Variants in ZFHX2 observed in about 807,000 individuals in gnomAD.
ZFHX2 encodes the protein zinc finger homeobox protein 2.
A neutral mutation model predicts 164.8 loss-of-function variants in ZFHX2; 75 were observed. The observed-to-expected ratio is 0.46, with a 90% confidence interval of 0.38 to 0.55. The LOEUF (loss-of-function observed/expected upper bound fraction) is 0.55, where lower values mean the gene tolerates loss of function less well. Among genes scored for constraint, ZFHX2 ranks in the 20% least tolerant of loss-of-function variants. The probability of loss-of-function intolerance (pLI) is 0.00; values close to 1 mark genes in which losing one functional copy is unlikely to be tolerated. For missense variants in ZFHX2, 2,933 were observed against 3,308.0 expected, an observed-to-expected ratio of 0.89 and a Z score of 2.78; for synonymous variants, 1,217 against 1,351.4, an observed-to-expected ratio of 0.90 and a Z score of 2.18.
chr14:23,525,903 G>A lies in ZFHX2; in HGVS notation c.4039C>T (p.Pro1347Ser), dbSNP rs1476562932. ...AGTGATTCGGGCACCAGAGGGAAGG[G>A]GGGCAGGACTGGTGGGGTGAAGAGA... is the stretch of plus-strand genomic sequence containing the variant. ...APLFTPPVLP[P>S]FPLVPESLLK... Residue 1347 changes from proline to serine, a missense_variant, in exon 9 of 10, where the codon CCC becomes TCC. Transcript: ENST00000419474. The surrounding 1 kb of genome is among the most constrained non-coding windows in gnomAD (Gnocchi z 5.9). The A allele has an allele frequency of 6.2e-6, 9 of 1,461,014 alleles. No individual in the cohort carries two copies. The highest frequency in any genetic ancestry group is 7.2e-6 in the Non-Finnish European group (8 of 1,111,252). 90.5% of individuals were successfully genotyped at this position (1,461,014 alleles called of 1,614,324 possible).
chr14:23,532,844 T>C lies in ZFHX2; in HGVS notation c.2282A>G (p.Lys761Arg). ...GAGCTGGGTGCCATAGCAGCAAAGC[T>C]TGCAGCGGTGGGTGTCACCAGCCAC... ...KEVAGDTHRC[K>R]LCCYGTQLKA... is the part of the protein sequence containing the mutation. Residue 761 changes from lysine to arginine, a missense_variant, in exon 3 of 10, where the codon AAG becomes AGG. Transcript: ENST00000419474. The C allele has an allele frequency of 6.5e-7, 1 of 1,536,434 alleles. No individual in the cohort carries two copies. The highest frequency in any genetic ancestry group is 8.7e-7 in the Non-Finnish European group (1 of 1,146,988).
rs1878922129 is a variant in ZFHX2 at position 23,527,636 on chromosome 14, C to T, written c.3103G>A (p.Val1035Met). 1 of 1,536,566 alleles carries T rather than the reference C, an allele frequency of 6.5e-7. No homozygotes were observed. Among genetic ancestry groups the T allele is most frequent in the Non-Finnish European group, 8.7e-7 (1 of 1,146,974 alleles). Reference sequence around the variant, plus strand: ...AGCAGCTTCTCAACGCACTCGGGCACCACGTTGTGAAGGTGGCTAAGGTGG... The same window carrying T: ...AGCAGCTTCTCAACGCACTCGGGCATCACGTTGTGAAGGTGGCTAAGGTGG... ...HFHLSHLHNV[V>M]PECVEKLLLV... The change falls in exon 7 of 10, where the codon GTG (valine) becomes ATG (methionine). Residue 1035 changes from valine (V) to methionine (M), a missense_variant. Coordinates refer to ENST00000419474, the MANE Select transcript of ZFHX2 (RefSeq NM_033400.3).
rs1342566483 is a variant in ZFHX2, at chr14:23,534,155, G to T, written c.1171C>A (p.Gln391Lys). The change falls in exon 2 of 10, where the codon CAA becomes AAA. Residue 391 changes from glutamine (Q) to lysine (K), a missense_variant. Coordinates refer to ENST00000419474, the MANE Select transcript of ZFHX2 (RefSeq NM_033400.3). This position sits in a 1 kb window ranked among gnomAD's most constrained non-coding sequence, Gnocchi z 4.5. ...CCCTCCTTGGAGGTGGGTGAGCTTT[G>T]GTTGAGTGGGGGGCAGAGCCCTCCA... ...EDGGLCPPLN[Q>K]SSPTSKEGGT... The T allele has an allele frequency of 4.1e-6, 6 of 1,473,070 alleles. No individual in the cohort carries two copies. Among genetic ancestry groups the T allele is most frequent in the Non-Finnish European group, 3.6e-6 (4 of 1,115,972 alleles). The allele number at this position is 1,473,070 out of a possible 1,614,324, so 91.2% of individuals were successfully genotyped here.
chr14:23,528,463 C>T (rs1019681204), intron 6 of ZFHX2, among the ~76,000 whole-genome samples: 1 of 152,186 alleles, frequency 6.6e-6, no homozygotes, highest in African/African-American at 2.4e-5. Context: ...TGGCTCTGTA[C>T]CTACTGCCCC....
chr14:23,527,046 C>A, intron 7 of ZFHX2, 73 bp from the exon 8 acceptor site: 1 of 1,427,410 alleles, frequency 7.0e-7, no homozygotes, highest in Non-Finnish European at 9.1e-7. Context: ...ACCCATCTGC[C>A]CTACACCTGT....
Position 23,535,015 on chromosome 14 carries a change from C to T in ZFHX2, c.311G>A (p.Gly104Glu). The T allele has an allele frequency of 6.5e-7, 1 of 1,536,054 alleles. No individual in the cohort carries two copies. Among genetic ancestry groups the T allele is most frequent in the Non-Finnish European group, 8.7e-7 (1 of 1,146,822 alleles). Residue 104 changes from glycine (G) to glutamate (E), a missense_variant, in exon 2 of 10, where the codon GGG becomes GAG. Transcript: ENST00000419474. The surrounding 1 kb of genome is among the most constrained non-coding windows in gnomAD (Gnocchi z 4.5). Reference sequence around the variant, plus strand: ...GTTGCTTAGGTCCATGGGAGGGAGCCCTTCTTCTTCCTCCTCCTGCTCCTT... The same window carrying T: ...GTTGCTTAGGTCCATGGGAGGGAGCTCTTCTTCTTCCTCCTCCTGCTCCTT... The part of the protein sequence containing the change: ...KDKEQEEEEE[G>E]LPPMDLSNHL...
chr14:23,526,817 C>A, intron 8 of ZFHX2, 30 bp downstream of exon 8: 1 of 1,523,262 alleles, frequency 6.6e-7, no homozygotes, highest in Non-Finnish European at 8.8e-7. Context: ...TTTCCTGGTA[C>A]CTTGGGAGGT....
rs1489813138 is a variant in ZFHX2 at position 23,533,852 on chromosome 14, G to C, written c.1474C>G (p.His492Asp). 18 of 1,539,130 alleles carry C rather than the reference G, an allele frequency of 1.2e-5. No individual in the cohort carries two copies. Among genetic ancestry groups the C allele is most frequent in the Non-Finnish European group, 1.6e-5 (18 of 1,148,034 alleles). Residue 492 changes from histidine (H) to aspartate (D), a missense_variant, in exon 2 of 10, where the codon CAC becomes GAC. By Grantham distance (81) the His-to-Asp change is moderately conservative (BLOSUM62 -1). Transcript: ENST00000419474. This position sits in a 1 kb window ranked among gnomAD's most constrained non-coding sequence, Gnocchi z 4.8. ...CTCTCTCCACGAGCAAGGCGGGGGT[G>C]GGCGCCCCCAGCACTGCAGTAGCTG... is the stretch of plus-strand genomic sequence containing the variant. Reference protein sequence around the residue: ...HCSYCSAGGAHPRLARGESYN... With the variant: ...HCSYCSAGGADPRLARGESYN...
intron 1 of ZFHX2, among the ~76,000 whole-genome samples, chr14:23,547,828 C>T (rs1378363247): frequency 1.3e-5 from 2 of 152,228 alleles, no homozygotes; most frequent in Non-Finnish European, 2.9e-5. Context: ...TTCTGTGTGA[C>T]AGACACTGTG....
Position 23,522,752 on chromosome 14 carries a change from G to C in ZFHX2, c.6929C>G (p.Ser2310Cys), listed in dbSNP as rs1878178086. ...GCCTGCAACTGGCTTTCGCTCACTG[G>C]AGACCTTGTCCCCCAAGGGCTCAGT... ...PPTEPLGDKV[S>C]SERKPVAGPT... The change falls in exon 10 of 10, where the codon TCC becomes TGC. Residue 2310 changes from serine to cysteine, a missense_variant. Coordinates refer to ENST00000419474, the MANE Select transcript of ZFHX2 (RefSeq NM_033400.3). 6.5e-7 allele frequency: 1 copy of C among 1,536,384 alleles called. No individual in the cohort carries two copies. The highest frequency in any genetic ancestry group is 2.0e-5 in the Admixed American group (1 of 50,976).
chr14:23,551,898 C>T (rs1433694449), upstream of ZFHX2, among the ~76,000 whole-genome samples: 1 of 152,182 alleles, frequency 6.6e-6, no homozygotes, highest in Non-Finnish European at 1.5e-5. The surrounding 1 kb of genome is among the most constrained non-coding windows in gnomAD (Gnocchi z 5.3). Flanking sequence ...GGGGGCAGGC[C>T]GGCCAGCCCA....
At position 23,530,074 on chromosome 14, in the gene ZFHX2, C is replaced by T. The variant is rs572986515; in HGVS notation, c.2875+46G>A. The T allele has an allele frequency of 7.5e-6, 11 of 1,474,898 alleles. No homozygotes were observed. In the Admixed American group the frequency reaches 1.2e-4, roughly 16 times the overall value. 91.4% of individuals were successfully genotyped at this position (1,474,898 alleles called of 1,614,324 possible). On this transcript the variant is annotated intron_variant, in intron 5 of 9. Coordinates refer to ENST00000419474, the MANE Select transcript of ZFHX2 (RefSeq NM_033400.3). ...CTGGATTACTGCAAGGTCCCGTGAG[C>T]GTCTCAGAAGGTAGGAGGACTGGGG...
intron 1 of ZFHX2, among the ~76,000 whole-genome samples, chr14:23,539,000 G>C (rs1880497576): frequency 6.6e-6 from 1 of 152,122 alleles, no homozygotes; most frequent in Non-Finnish European, 1.5e-5. Flanking sequence ...GGAGGAGGGA[G>C]GCCTGGAGCC....
At position 23,523,795 on chromosome 14, in the gene ZFHX2, G is replaced by C; in HGVS notation, c.6147C>G (p.Thr2049=). The change falls in exon 9 of 10, where the codon ACC becomes ACG. Residue 2049 remains threonine, a synonymous_variant. Coordinates refer to ENST00000419474, the MANE Select transcript of ZFHX2 (RefSeq NM_033400.3). The surrounding 1 kb of genome is among the most constrained non-coding windows in gnomAD (Gnocchi z 4.1). The part of the protein sequence containing the change: ...AEPESPGAGG[T]SGGPGGGTGV... ...CAGTCCCACCTCCAGGTCCCCCACT[G>C]GTCCCTCCAGCCCCAGGGGATTCTG... 1 of 1,536,240 alleles carries C rather than the reference G, an allele frequency of 6.5e-7. No homozygotes were observed. Among genetic ancestry groups the C allele is most frequent in the Non-Finnish European group, 8.7e-7 (1 of 1,146,938 alleles).
At chr14:23,530,263 G>T in intron 4 of ZFHX2, 69 bp from the exon 5 acceptor site, 4 of 1,216,028 alleles carry the variant, frequency 3.3e-6, no homozygotes, top group Non-Finnish European at 4.7e-6. Flanking sequence ...ATAGGACAGA[G>T]GAAGCAGGAC....
Position 23,532,806 on chromosome 14 carries a change from G to C in ZFHX2, c.2320C>G (p.Gln774Glu). ...CYGTQLKANF[Q>E]LHLKTDKHAQ... ...TGTTTGTCAGTCTTGAGGTGGAGTT[G>C]GAAGTTGGCCTTGAGCTGGGTGCCA... Residue 774 changes from glutamine (Q) to glutamate (E), a missense_variant, in exon 3 of 10, where the codon CAA becomes GAA. Coordinates refer to ENST00000419474, the MANE Select transcript of ZFHX2 (RefSeq NM_033400.3). 1 of 1,536,556 alleles carries C rather than the reference G, an allele frequency of 6.5e-7. No homozygotes were observed. Among genetic ancestry groups the C allele is most frequent in the Non-Finnish European group, 8.7e-7 (1 of 1,147,042 alleles).
chr14:23,548,504 C>G (rs1218055943), intron 1 of ZFHX2: 1 of 152,208 alleles, frequency 6.6e-6, no homozygotes, highest in Non-Finnish European at 1.5e-5. Context: ...GGGAGGAACC[C>G]TGTCAGGTTG....
At chr14:23,555,563 G>A (rs1210264227), upstream of ZFHX2, among the ~76,000 whole-genome samples, 3 of 152,058 alleles carry the variant, frequency 2.0e-5, no homozygotes, top group Non-Finnish European at 4.4e-5. Flanking sequence ...TTTATTCTCT[G>A]ACAGAAAGTT....
At position 23,531,901 on chromosome 14, in the gene ZFHX2, C is replaced by T. The variant is rs180797122; in HGVS notation, c.2560-180G>A. 1,377 of 808,466 alleles carry T rather than the reference C, an allele frequency of 1.7e-3. 2 individuals carry two copies. Among genetic ancestry groups the T allele is most frequent in the Non-Finnish European group, 2.1e-3 (1,298 of 604,360 alleles). The allele number at this position is 808,466 out of a possible 1,614,324, so 50.1% of individuals were successfully genotyped here. A position where few individuals can be genotyped will look rare whatever the true frequency, so the allele number is the denominator to read the frequency against. On this transcript the variant is annotated intron_variant, in intron 3 of 9. Transcript: ENST00000419474. The stretch of plus-strand genomic sequence containing the variant: ...CAGTGATTCTCATGCCTCAGCCTCC[C>T]GAGTAGCTGGGATTACAGGCATGCG...
Sources: allele counts gnomAD v4.1 joint callset (sites outside exome capture counted in the v4.1 genomes callset), GRCh38; gene constraint gnomAD v4.1.1; non-coding constraint Gnocchi (gnomAD v3.1); transcripts MANE v1.5; gene names NCBI Gene and HGNC (gene_info 2026-07-23, HGNC 2026-07-21).